Variants in PLGRKT observed in about 807,000 individuals in gnomAD.
PLGRKT encodes plasminogen receptor (KT).
Under a neutral mutation model 18.5 loss-of-function variants are expected in PLGRKT, and 22 were observed. The observed-to-expected ratio is 1.19, with a 90% confidence interval of 0.85 to 1.70. The LOEUF is 1.70. PLGRKT is among the 40% of genes most tolerant of loss of function. PLGRKT has a pLI of 0.00. For missense variants in PLGRKT, 235 were observed against 174.4 expected, an observed-to-expected ratio of 1.35 and a Z score of -1.96; for synonymous variants, 72 against 52.8, an observed-to-expected ratio of 1.36 and a Z score of -1.58.
At chr9:5,428,875 T>C (rs1818758265) in intron 3 of PLGRKT, among the ~76,000 whole-genome samples, 2 of 152,164 alleles carry the variant, frequency 1.3e-5, no homozygotes, top group African/African-American at 4.8e-5. Flanking sequence ...ATTTTTTAAA[T>C]TTTTTAAATG....
chr9:5,388,728 A>C (rs1817891655), intron 3 of PLGRKT, among the ~76,000 whole-genome samples: 2 of 152,018 alleles, frequency 1.3e-5, no homozygotes. Flanking sequence ...CTTGTGATGA[A>C]ATGTCCCTCT....
rs547691223 is a variant in PLGRKT at position 5,368,379 on chromosome 9, C to T, written c.82-6491G>A. ...GGCGAAAGAAAACGTGGTACATATA[C>T]ATCATGGAATACTATGCAGCCATAA... On this transcript the variant is annotated intron_variant, in intron 3 of 5. Coordinates refer to ENST00000223864, the MANE Select transcript of PLGRKT (RefSeq NM_018465.4). Among the ~76,000 whole-genome samples, 5 of 152,298 alleles carry T rather than the reference C, an allele frequency of 3.3e-5. No individual in the cohort carries two copies. In the South Asian group the frequency reaches 1.0e-3, roughly 32 times the overall value.
At chr9:5,408,571 TA>T (rs917028128) in intron 3 of PLGRKT, among the ~76,000 whole-genome samples, 3 of 152,168 alleles carry the variant, frequency 2.0e-5, no homozygotes, top group Non-Finnish European at 4.4e-5. Context: ...AAAGGGAGCA[TA>T]AAAGTTTACA....
At chr9:5,435,724 G>A (rs969268178) in intron 2 of PLGRKT, among the ~76,000 whole-genome samples, 3 of 152,200 alleles carry the variant, frequency 2.0e-5, no homozygotes. Flanking sequence ...AAACTCAGGG[G>A]AAAGTTACAA....
At chr9:5,404,160 ATCCT>A (rs1420070900) in intron 3 of PLGRKT, among the ~76,000 whole-genome samples, 1 of 152,122 alleles carries the variant, frequency 6.6e-6, no homozygotes, top group Non-Finnish European at 1.5e-5. Flanking sequence ...AACAGCCCAG[ATCCT>A]GATGGATTTA....
At chr9:5,367,065 A>ACACACACC (rs1554626428) in intron 3 of PLGRKT, among the ~76,000 whole-genome samples, 16 of 148,532 alleles carry the variant, frequency 1.1e-4, no homozygotes, top group Admixed American at 9.4e-4. Context: ...ACACACACAC[A>ACACACACC]CACCCCTAGG....
At chr9:5,398,016 C>T (rs932702554) in intron 3 of PLGRKT, among the ~76,000 whole-genome samples, 3 of 151,886 alleles carry the variant, frequency 2.0e-5, no homozygotes, top group African/African-American at 7.3e-5. Context: ...TGCCCACATC[C>T]GAATGGATGC....
chr9:5,427,393 T>G (rs184118751), intron 3 of PLGRKT, among the ~76,000 whole-genome samples: 1 of 152,134 alleles, frequency 6.6e-6, no homozygotes, highest in African/African-American at 2.4e-5. Flanking sequence ...TTCCTTTAAG[T>G]GAAAGAGTGG....
Position 5,418,970 on chromosome 9 carries a change from T to A in PLGRKT, c.81+12927A>T. On this transcript the variant is annotated intron_variant, in intron 3 of 5. Transcript: ENST00000223864. The surrounding 1 kb of genome is among the most constrained non-coding windows in gnomAD (Gnocchi z 4.2). ...ATTCTAGCAGAGTCCTGGGACAGCG[T>A]CTCCATGGTGGACCCTGAGCAGGAA... The A allele has an allele frequency of 1.4e-6, 1 of 693,814 alleles. No homozygotes were observed. The highest frequency in any genetic ancestry group is 3.8e-5 in the East Asian group (1 of 26,354). 43.0% of individuals were successfully genotyped at this position (693,814 alleles called of 1,614,324 possible). A position where few individuals can be genotyped will look rare whatever the true frequency, so the allele number is the denominator to read the frequency against.
At chr9:5,429,961 C>A (rs1029497728) in intron 3 of PLGRKT, among the ~76,000 whole-genome samples, 3 of 152,184 alleles carry the variant, frequency 2.0e-5, no homozygotes, top group African/African-American at 7.2e-5. Flanking sequence ...CACCCTCTCC[C>A]CCTGCCACAA....
intron 3 of PLGRKT, among the ~76,000 whole-genome samples, chr9:5,422,291 T>C (rs1461515907): frequency 2.6e-5 from 4 of 152,206 alleles, no homozygotes; most frequent in African/African-American, 9.7e-5. Context: ...AGCCTTGTGA[T>C]GTGATGTATT....
rs369335292 is a variant in PLGRKT at position 5,365,602 on chromosome 9, G to C, written c.82-3714C>G. On this transcript the variant is annotated intron_variant, in intron 3 of 5. Coordinates refer to ENST00000223864, the MANE Select transcript of PLGRKT (RefSeq NM_018465.4). Reference sequence around the variant, plus strand: ...AAGAGACAAGAAGACTAAATGTCATGTGGCATCCTGGGTGAGATTCTGGGA... The same window carrying C: ...AAGAGACAAGAAGACTAAATGTCATCTGGCATCCTGGGTGAGATTCTGGGA... 9.2e-5 allele frequency among the ~76,000 whole-genome samples: 14 copies of C among 152,306 alleles called. 1 individual carries two copies. Among genetic ancestry groups the C allele is most frequent in the East Asian group, 7.7e-4 (4 of 5,186 alleles).
intron 3 of PLGRKT, among the ~76,000 whole-genome samples, chr9:5,403,612 G>A (rs1272293592): frequency 6.6e-6 from 1 of 152,218 alleles, no homozygotes; most frequent in African/African-American, 2.4e-5. Flanking sequence ...TTCTACTAAA[G>A]CACAAGAAAA....
intron 3 of PLGRKT, among the ~76,000 whole-genome samples, chr9:5,394,397 T>C (rs543438651): frequency 6.6e-6 from 1 of 152,024 alleles, no homozygotes; most frequent in East Asian, 1.9e-4. Context: ...GAGGATTTTT[T>C]AATGAGAAGT....
At chr9:5,427,380 T>C (rs1473841858) in intron 3 of PLGRKT, among the ~76,000 whole-genome samples, 3 of 151,994 alleles carry the variant, frequency 2.0e-5, no homozygotes, top group African/African-American at 7.3e-5. Context: ...AGCAATAAAG[T>C]GCTTCCTTTA....
chr9:5,437,124 T>C (rs944863645), intron 1 of PLGRKT, among the ~76,000 whole-genome samples: 1 of 152,210 alleles, frequency 6.6e-6, no homozygotes, highest in Non-Finnish European at 1.5e-5. Flanking sequence ...GCTTCAGCCC[T>C]GCCTCAGGTG....
At chr9:5,381,848 A>C (rs915895649) in intron 3 of PLGRKT, 1 of 980,168 alleles carries the variant, frequency 1.0e-6, no homozygotes, top group Non-Finnish European at 1.2e-6. Flanking sequence ...AACAGACTAA[A>C]TTTAACTAAC....
chr9:5,362,016 A>C, intron 3 of PLGRKT, 128 bp from the exon 4 acceptor site: 3 of 918,338 alleles, frequency 3.3e-6, no homozygotes, highest in Non-Finnish European at 4.9e-6. Context: ...AAAAAATCTC[A>C]ACAGACTTTG....
At chr9:5,361,374 G>A (rs1264960267) in intron 4 of PLGRKT, among the ~76,000 whole-genome samples, 187 bp from the exon 5 acceptor site, 1 of 152,162 alleles carries the variant, frequency 6.6e-6, no homozygotes, top group Non-Finnish European at 1.5e-5. Flanking sequence ...AGATTCTGCA[G>A]TTCTCAAGGG....
Sources: allele counts gnomAD v4.1 joint callset (sites outside exome capture counted in the v4.1 genomes callset), GRCh38; gene constraint gnomAD v4.1.1; non-coding constraint Gnocchi (gnomAD v3.1); transcripts MANE v1.5; gene names NCBI Gene and HGNC (gene_info 2026-07-23, HGNC 2026-07-21).